PTPRN2: variants seen among roughly 807,000 people sequenced by gnomAD.
The protein encoded by PTPRN2 is receptor-type tyrosine-protein phosphatase N2.
PTPRN2 carries 74 observed loss-of-function variants against 118.8 expected under a neutral mutation model. That is an observed-to-expected ratio of 0.62 (90% CI 0.52 to 0.76). PTPRN2 has a LOEUF of 0.76. Ranked by LOEUF, PTPRN2 falls within the 30% of genes least tolerant of loss-of-function variation. PTPRN2 has a pLI of 0.00. For missense variants in PTPRN2, 1,481 were observed against 1,394.4 expected (o/e 1.06, Z -0.99); for synonymous variants, 641 against 608.0 (o/e 1.05, Z -0.80).
chr7:158,138,817 C>A (rs1819091310), intron 6 of PTPRN2, among the ~76,000 whole-genome samples: 1 of 152,174 alleles, frequency 6.6e-6, no homozygotes, highest in Admixed American at 6.5e-5. Flanking sequence ...CTGGAATGAC[C>A]AAGCCAGGAA....
intron 12 of PTPRN2, among the ~76,000 whole-genome samples, chr7:157,769,936 C>T (rs1445217374): frequency 6.6e-6 from 1 of 152,212 alleles, no homozygotes; most frequent in Non-Finnish European, 1.5e-5. Context: ...GGGGCTGTGG[C>T]CTCTGGTGCA....
intron 19 of PTPRN2, among the ~76,000 whole-genome samples, chr7:157,575,348 T>C (rs1331201217): frequency 6.6e-6 from 1 of 152,110 alleles, no homozygotes; most frequent in Admixed American, 6.5e-5. Flanking sequence ...TTAGCGTGGG[T>C]GAGGAAGGAG....
At chr7:158,154,771 A>G (rs937321439) in intron 6 of PTPRN2, among the ~76,000 whole-genome samples, 13 of 152,214 alleles carry the variant, frequency 8.5e-5, no homozygotes, top group African/African-American at 2.9e-4. Flanking sequence ...TAAGTATATA[A>G]GAGAAAATTC....
intron 3 of PTPRN2, among the ~76,000 whole-genome samples, chr7:158,279,305 C>T (rs932809336): frequency 6.6e-6 from 1 of 152,162 alleles, no homozygotes; most frequent in African/African-American, 2.4e-5. Context: ...ATTTACAATC[C>T]TTTAGCTAGA....
chr7:158,404,655 AGCCTCAGCTCCCCGGCCCCCAGCTCCTTG>A (rs1028327560), intron 2 of PTPRN2, among the ~76,000 whole-genome samples: 1 of 149,924 alleles, frequency 6.7e-6, no homozygotes, highest in Non-Finnish European at 1.5e-5. Flanking sequence ...CCAGCTCCCC[AGCCTCAGCTCCCCGGCCCCCAGCTCCTTG>A]GCCTCAGCTC....
At chr7:157,709,349 G>A (rs1052991054) in intron 12 of PTPRN2, among the ~76,000 whole-genome samples, 14 of 152,234 alleles carry the variant, frequency 9.2e-5, no homozygotes, top group African/African-American at 2.9e-4. Flanking sequence ...TGACAAAGAC[G>A]ATTTTGACCC....
chr7:158,298,887 C>T (rs1030784783), intron 3 of PTPRN2, among the ~76,000 whole-genome samples: 2 of 152,196 alleles, frequency 1.3e-5, no homozygotes, highest in African/African-American at 4.8e-5. Context: ...ATCACTTCTT[C>T]CTGGGCCAGC....
At chr7:157,786,193 G>A (rs1563107019) in intron 12 of PTPRN2, among the ~76,000 whole-genome samples, 1 of 152,202 alleles carries the variant, frequency 6.6e-6, no homozygotes, top group Non-Finnish European at 1.5e-5. Context: ...CACGGGGAAC[G>A]GCACAGGTAA....
In PTPRN2 at chr7:157,808,385, TCC is replaced by T. The variant is rs1020443915; in HGVS notation, c.1788+90286_1788+90287del. On this transcript the variant is annotated intron_variant, in intron 12 of 22. Transcript: ENST00000389418. This position sits in a 1 kb window ranked among gnomAD's most constrained non-coding sequence, Gnocchi z 5.0. ...AAACTTTGTCGGTATTTATAGCCAG[TCC>T]CCATGGCTCACAGTACTGCCTGGGC... Among the ~76,000 whole-genome samples, 3 of 152,148 alleles carry T rather than the reference TCC, an allele frequency of 2.0e-5. No homozygotes were observed. The highest frequency in any genetic ancestry group is 7.2e-5 in the African/African-American group (3 of 41,420).
chr7:158,043,085 C>G (rs1240318987), intron 11 of PTPRN2, among the ~76,000 whole-genome samples: 1 of 152,068 alleles, frequency 6.6e-6, no homozygotes, highest in Non-Finnish European at 1.5e-5. Context: ...GGTGGCCATG[C>G]CCATAGTTCC....
intron 1 of PTPRN2, among the ~76,000 whole-genome samples, chr7:158,494,507 C>T (rs1442778734): frequency 6.6e-6 from 1 of 152,204 alleles, no homozygotes; most frequent in Non-Finnish European, 1.5e-5. Context: ...GGGGAGGTTC[C>T]TGGACAGCAG....
chr7:158,123,379 G>A (rs1026972005), intron 9 of PTPRN2, among the ~76,000 whole-genome samples: 1 of 152,102 alleles, frequency 6.6e-6, no homozygotes, highest in Non-Finnish European at 1.5e-5. Flanking sequence ...CAGACACCAC[G>A]GTGACCGACG....
chr7:158,257,459 A>G (rs935517071), intron 3 of PTPRN2, among the ~76,000 whole-genome samples: 3 of 152,288 alleles, frequency 2.0e-5, no homozygotes, highest in East Asian at 3.9e-4. Context: ...TGTTACTCTG[A>G]CATTCGAATC....
intron 12 of PTPRN2, chr7:157,863,917 T>TG (rs1394027100): frequency 2.0e-5 from 3 of 152,212 alleles, no homozygotes; most frequent in African/African-American, 7.2e-5. Context: ...CAGAGCCGTG[T>TG]GAAAAGAAAC....
intron 1 of PTPRN2, among the ~76,000 whole-genome samples, chr7:158,566,962 C>A (rs1235514426): frequency 1.3e-5 from 2 of 152,206 alleles, no homozygotes; most frequent in Non-Finnish European, 2.9e-5. Flanking sequence ...GATCCACCCA[C>A]CTCAGCCTCC....
chr7:157,992,054 C>T (rs912211965), intron 11 of PTPRN2, among the ~76,000 whole-genome samples: 1 of 152,244 alleles, frequency 6.6e-6, no homozygotes, highest in Non-Finnish European at 1.5e-5. Flanking sequence ...ACTCGGCCCA[C>T]AGCCCATTCG....
At position 157,723,815 on chromosome 7, in the gene PTPRN2, C is replaced by T. The variant is rs192663455; in HGVS notation, c.1789-40878G>A. Among the ~76,000 whole-genome samples the T allele has an allele frequency of 5.9e-5, 9 of 152,316 alleles. No individual in the cohort carries two copies. The South Asian group carries it at 1.0e-3, about 18-fold the overall frequency. On this transcript the variant is annotated intron_variant, in intron 12 of 22. Coordinates refer to ENST00000389418, the MANE Select transcript of PTPRN2 (RefSeq NM_002847.5). ...GTAAGCCAGCAATGAAGCCATGCCC[C>T]AAAGCGAATCCACCACCATCCAATT... is the stretch of plus-strand genomic sequence containing the variant.
At chr7:157,984,884 C>T (rs1185616585) in intron 11 of PTPRN2, among the ~76,000 whole-genome samples, 1 of 152,214 alleles carries the variant, frequency 6.6e-6, no homozygotes, top group Non-Finnish European at 1.5e-5. Flanking sequence ...GCCTCCTGCC[C>T]CTCACTGTCG....
At position 157,690,536 on chromosome 7, in the gene PTPRN2, C is replaced by T. The variant is rs1797423942; in HGVS notation, c.1789-7599G>A. On this transcript the variant is annotated intron_variant, in intron 12 of 22. Coordinates refer to ENST00000389418, the MANE Select transcript of PTPRN2 (RefSeq NM_002847.5). This position sits in a 1 kb window ranked among gnomAD's most constrained non-coding sequence, Gnocchi z 7.1. ...GCACTACGAGCGCCCGCGCCCCGCC[C>T]GGCACCCCTGGTTACCTGCAGCTGG... Among the ~76,000 whole-genome samples, 1 of 151,486 alleles carries T rather than the reference C, an allele frequency of 6.6e-6. No individual in the cohort carries two copies. The highest frequency in any genetic ancestry group is 1.5e-5 in the Non-Finnish European group (1 of 67,802).
Sources: allele counts gnomAD v4.1 joint callset (sites outside exome capture counted in the v4.1 genomes callset), GRCh38; gene constraint gnomAD v4.1.1; non-coding constraint Gnocchi (gnomAD v3.1); transcripts MANE v1.5; gene names NCBI Gene and HGNC (gene_info 2026-07-23, HGNC 2026-07-21).